The following NETO2 variants were observed in gnomAD, a reference collection of about 807,000 sequenced individuals.
NETO2 encodes the protein neuropilin and tolloid like 2, also known as neuropilin and tolloid-like protein 2.
A neutral mutation model predicts 62.5 loss-of-function variants in NETO2; 28 were observed. The observed-to-expected ratio is 0.45, with a 90% CI of 0.33 to 0.61. The LOEUF is 0.61. Among genes scored for constraint, NETO2 ranks in the 20% least tolerant of loss-of-function variants. The pLI is 0.02. For missense variants in NETO2, 548 were observed against 643.2 expected (o/e 0.85, Z 1.60); for synonymous variants, 214 against 219.1 (o/e 0.98, Z 0.21).
intron 1 of NETO2, among the ~76,000 whole-genome samples, chr16:47,142,546 T>C (rs1567404090): frequency 6.6e-6 from 1 of 152,188 alleles, no homozygotes; most frequent in Admixed American, 6.5e-5. Context: ...ACACCGTTAA[T>C]AATGCCTCAG....
At position 47,083,583 on chromosome 16, in the gene NETO2, T is replaced by C; in HGVS notation, c.1216A>G (p.Lys406Glu). The change falls in exon 9 of 9, where the codon AAA becomes GAA. Residue 406 changes from lysine (K) to glutamate (E), a missense_variant. By Grantham distance (56) the Lys-to-Glu change is moderately conservative (BLOSUM62 1). Coordinates refer to ENST00000562435, the MANE Select transcript of NETO2 (RefSeq NM_018092.5). ...PHYELFSLRDKEISADLADLS... is the reference protein window; with the variant it reads ...PHYELFSLRDEEISADLADLS... ...TCTGCCAGGTCTGCAGAAATCTCTT[T>C]GTCCCTTAGTGAAAACAGTTCATAA... 2.5e-6 allele frequency: 4 copies of C among 1,614,242 alleles called. No homozygotes were observed. Among genetic ancestry groups the C allele is most frequent in the Non-Finnish European group, 3.4e-6 (4 of 1,180,046 alleles).
chr16:47,078,314 C>T lies in NETO2; in HGVS notation c.*4907G>A, dbSNP rs137873866. On this transcript the variant is annotated 3_prime_UTR_variant, in exon 9 of 9. Coordinates refer to ENST00000562435, the MANE Select transcript of NETO2 (RefSeq NM_018092.5). ...TAGAAATTGAGGCAAGCAAGGAAATCAGAACAAGTTTTTAATTCTAGTTCA... is the reference window on the plus strand; with the variant it reads ...TAGAAATTGAGGCAAGCAAGGAAATTAGAACAAGTTTTTAATTCTAGTTCA... The T allele has an allele frequency of 1.3e-5, 2 of 152,270 alleles. No individual in the cohort carries two copies. The highest frequency in any genetic ancestry group is 2.4e-5 in the African/African-American group (1 of 41,552). The allele number at this position is 152,270 out of a possible 1,614,324, so 9.4% of individuals were successfully genotyped here. A position where few individuals can be genotyped will look rare whatever the true frequency, so the allele number is the denominator to read the frequency against.
At chr16:47,087,173 C>A (rs1398173200) in intron 7 of NETO2, among the ~76,000 whole-genome samples, 1 of 151,906 alleles carries the variant, frequency 6.6e-6, no homozygotes, top group African/African-American at 2.4e-5. Flanking sequence ...GGACTACAGG[C>A]ACGAGCCATG....
chr16:47,140,673 T>C (rs1012233584), intron 1 of NETO2, among the ~76,000 whole-genome samples: 2 of 152,258 alleles, frequency 1.3e-5, no homozygotes, highest in African/African-American at 4.8e-5. Flanking sequence ...AGCCAAAAAG[T>C]TGATTTTTAA....
intron 7 of NETO2, among the ~76,000 whole-genome samples, chr16:47,087,795 T>G (rs1382256926): frequency 6.6e-6 from 1 of 152,194 alleles, no homozygotes; most frequent in Non-Finnish European, 1.5e-5. Context: ...ATCTCAAATG[T>G]TACCATCTGT....
intron 7 of NETO2, among the ~76,000 whole-genome samples, chr16:47,099,687 A>G (rs1460518254): frequency 6.6e-6 from 1 of 152,198 alleles, no homozygotes; most frequent in Non-Finnish European, 1.5e-5. Flanking sequence ...CAGACTTTAA[A>G]CTAACAATGA....
At chr16:47,139,564 C>G (rs531924860) in intron 1 of NETO2, among the ~76,000 whole-genome samples, 1 of 152,296 alleles carries the variant, frequency 6.6e-6, no homozygotes, top group Admixed American at 6.5e-5. Context: ...GACAGCAGAA[C>G]AGAGTTCAAT....
rs1238638035 is a variant in NETO2 at position 47,080,551 on chromosome 16, C to T, written c.*2670G>A. 6.6e-6 allele frequency: 1 copy of T among 152,096 alleles called. No individual in the cohort carries two copies. Among genetic ancestry groups the T allele is most frequent in the African/African-American group, 2.4e-5 (1 of 41,406 alleles). 9.4% of individuals were successfully genotyped at this position (152,096 alleles called of 1,614,324 possible). Reference sequence around the variant, plus strand: ...ATTAGCATTATTCTGGCAATAATGCCTAAGATTTATTAGTTCCATTCTTAC... The same window carrying T: ...ATTAGCATTATTCTGGCAATAATGCTTAAGATTTATTAGTTCCATTCTTAC... On this transcript the variant is annotated 3_prime_UTR_variant, in exon 9 of 9. Coordinates refer to ENST00000562435, the MANE Select transcript of NETO2 (RefSeq NM_018092.5).
At chr16:47,094,575 G>A (rs1181645679) in intron 7 of NETO2, among the ~76,000 whole-genome samples, 1 of 151,618 alleles carries the variant, frequency 6.6e-6, no homozygotes, top group Non-Finnish European at 1.5e-5. Flanking sequence ...ACAGGCGCCC[G>A]CCACCATGCC....
intron 8 of NETO2, among the ~76,000 whole-genome samples, chr16:47,085,581 A>G (rs1008207183): frequency 1.3e-5 from 2 of 151,654 alleles, no homozygotes; most frequent in African/African-American, 4.8e-5. Context: ...ATGGGGTTTC[A>G]CCATGTTAGC....
chr16:47,085,057 A>C (rs1963155780), intron 8 of NETO2, among the ~76,000 whole-genome samples: 1 of 152,192 alleles, frequency 6.6e-6, no homozygotes, highest in Non-Finnish European at 1.5e-5. Flanking sequence ...GATAAAAGGA[A>C]GATTACCTTT....
At chr16:47,137,018 A>G (rs1451094975) in intron 1 of NETO2, among the ~76,000 whole-genome samples, 2 of 152,200 alleles carry the variant, frequency 1.3e-5, no homozygotes, top group Non-Finnish European at 2.9e-5. Context: ...ACAAACATAC[A>G]TACATATATA....
Position 47,131,949 on chromosome 16 carries a change from C to A in NETO2, c.91+20G>T. On this transcript the variant is annotated intron_variant, in intron 2 of 8. Transcript: ENST00000562435. ...CCATTGTCTTAAACATGCAGTAAGT[C>A]ACCAATGTAAGTACTTTACCTTGGG... The A allele has an allele frequency of 6.2e-7, 1 of 1,603,022 alleles. No homozygotes were observed. Among genetic ancestry groups the A allele is most frequent in the South Asian group, 1.1e-5 (1 of 90,768 alleles).
chr16:47,139,707 C>G (rs1964426872), intron 1 of NETO2, among the ~76,000 whole-genome samples: 1 of 152,204 alleles, frequency 6.6e-6, no homozygotes, highest in South Asian at 2.1e-4. Flanking sequence ...GGATGGTGAA[C>G]TTTGGGATCA....
chr16:47,082,918 C>CA lies in NETO2; in HGVS notation c.*302dup, dbSNP rs1963097823. On this transcript the variant is annotated 3_prime_UTR_variant, in exon 9 of 9. Transcript: ENST00000562435. ...TCTTCTTGTTGCTAAAACGAAGAGGCAGCCTGAGCCTGGCTCCATCCAACC... is the reference window on the plus strand; with the variant it reads ...TCTTCTTGTTGCTAAAACGAAGAGGCAAGCCTGAGCCTGGCTCCATCCAACC... 1.1e-5 allele frequency: 3 copies of CA among 282,948 alleles called. No individual in the cohort carries two copies. Among genetic ancestry groups the CA allele is most frequent in the Non-Finnish European group, 2.0e-5 (3 of 152,768 alleles). 17.5% of individuals were successfully genotyped at this position (282,948 alleles called of 1,614,324 possible). A position where few individuals can be genotyped will look rare whatever the true frequency, so the allele number is the denominator to read the frequency against.
At chr16:47,122,968 G>C (rs770156766) in intron 4 of NETO2, 56 bp from the exon 5 acceptor site, 1 of 1,507,404 alleles carries the variant, frequency 6.6e-7, no homozygotes, top group Admixed American at 1.8e-5. Flanking sequence ...TTTAATCCTC[G>C]ATGTCTTACA....
chr16:47,117,889 A>C (rs992174258), intron 6 of NETO2, among the ~76,000 whole-genome samples: 8 of 152,078 alleles, frequency 5.3e-5, no homozygotes, highest in African/African-American at 1.7e-4. Flanking sequence ...GAGTTTGAGA[A>C]CAGCCTAGGC....
At chr16:47,127,902 CAAT>C (rs1283966042) in intron 4 of NETO2, among the ~76,000 whole-genome samples, 6 of 152,058 alleles carry the variant, frequency 3.9e-5, no homozygotes, top group Non-Finnish European at 8.8e-5. Context: ...TTCTATTGCT[CAAT>C]ATATTCTAGA....
intron 1 of NETO2, 27 bp downstream of exon 1, chr16:47,143,552 G>A: frequency 8.2e-7 from 1 of 1,222,200 alleles, no homozygotes; most frequent in Non-Finnish European, 1.0e-6. Context: ...AGGGGGCGCC[G>A]TCCGTGGCCC....
Sources: gnomAD v4.1 joint callset for allele counts (sites outside exome capture counted in the v4.1 genomes callset) on GRCh38, gnomAD v4.1.1 for gene constraint, MANE v1.5 for transcripts, NCBI Gene and HGNC (gene_info 2026-07-23, HGNC 2026-07-21) for gene names.